The following SYT14 variants were observed in gnomAD, a reference collection of about 807,000 sequenced individuals.
The protein encoded by SYT14 is synaptotagmin-14.
A neutral mutation model predicts 74.2 loss-of-function variants in SYT14; 32 were observed. The ratio of observed to expected loss-of-function variants is 0.43; its 90% CI spans 0.33 to 0.58. The LOEUF (loss-of-function observed/expected upper bound fraction) is 0.58, where lower values mean the gene tolerates loss of function less well. Among genes scored for constraint, SYT14 ranks in the 20% least tolerant of loss-of-function variants. SYT14 has a pLI of 0.05. For synonymous variants in SYT14, 298 were observed against 337.7 expected (o/e 0.88, Z 1.29); for missense variants, 791 against 981.8 (o/e 0.81, Z 2.60).
chr1:210,088,955 G>A (rs1310159597), intron 5 of SYT14, among the ~76,000 whole-genome samples: 3 of 151,650 alleles, frequency 2.0e-5, no homozygotes, highest in South Asian at 4.2e-4. Context: ...AGATATACAC[G>A]TGCCATGGTG....
intron 5 of SYT14, among the ~76,000 whole-genome samples, chr1:210,079,541 C>A (rs1348212890): frequency 6.6e-6 from 1 of 152,066 alleles, no homozygotes; most frequent in South Asian, 2.1e-4. Flanking sequence ...GTGACATTGT[C>A]CGAGTTGAGA....
At chr1:210,035,313 T>C (rs1483696191) in intron 5 of SYT14, among the ~76,000 whole-genome samples, 1 of 151,970 alleles carries the variant, frequency 6.6e-6, no homozygotes, top group Non-Finnish European at 1.5e-5. Context: ...CTGGATATTA[T>C]AACTTGTCTA....
intron 2 of SYT14, among the ~76,000 whole-genome samples, chr1:210,001,974 A>G (rs1418025977): frequency 6.6e-6 from 1 of 152,198 alleles, no homozygotes; most frequent in East Asian, 1.9e-4. Flanking sequence ...ACCAGAGGAC[A>G]GTCAGTTCTG....
At chr1:210,140,173 C>T (rs969060869) in intron 7 of SYT14, among the ~76,000 whole-genome samples, 2 of 152,086 alleles carry the variant, frequency 1.3e-5, no homozygotes, top group Non-Finnish European at 2.9e-5. Context: ...AAAGTGGTAT[C>T]TTATTATGGT....
At chr1:209,944,520 AAGATCT>A (rs1435692341) in intron 1 of SYT14, among the ~76,000 whole-genome samples, 1 of 152,212 alleles carries the variant, frequency 6.6e-6, no homozygotes, top group Non-Finnish European at 1.5e-5. Context: ...TGTTGTCAAT[AAGATCT>A]AGTTTATTTT....
chr1:209,980,705 G>A lies in SYT14; in HGVS notation c.-486+27949G>A, dbSNP rs114532401. Among the ~76,000 whole-genome samples the A allele has an allele frequency of 4.1e-3, 624 of 152,174 alleles. 3 individuals carry two copies. Among genetic ancestry groups the A allele is most frequent in the East Asian group, 0.017 (90 of 5,182 alleles). ...CCCAGTACCATTTATTAAATAGGGA[G>A]CCCTTATCCCATTGCTTGTTTTTAT... On this transcript the variant is annotated intron_variant, in intron 2 of 9. Transcript: ENST00000637265.
At chr1:209,943,576 G>C (rs2078773420) in intron 1 of SYT14, among the ~76,000 whole-genome samples, 1 of 143,516 alleles carries the variant, frequency 7.0e-6, no homozygotes, top group Non-Finnish European at 1.5e-5. Flanking sequence ...AAAGCAGAGA[G>C]AACCATATAC....
intron 6 of SYT14, among the ~76,000 whole-genome samples, chr1:210,098,760 G>A (rs538016697): frequency 1.3e-5 from 2 of 151,514 alleles, no homozygotes; most frequent in East Asian, 1.9e-4. Context: ...GGCTCACTGC[G>A]ACCTCTGCCT....
At chr1:210,075,656 C>T (rs973554587) in intron 5 of SYT14, among the ~76,000 whole-genome samples, 2 of 151,974 alleles carry the variant, frequency 1.3e-5, no homozygotes, top group African/African-American at 4.8e-5. Context: ...TTTATAGGCA[C>T]AGGATGGGGG....
intron 5 of SYT14, among the ~76,000 whole-genome samples, chr1:210,031,633 A>T (rs1424038788): frequency 6.6e-6 from 1 of 152,112 alleles, no homozygotes; most frequent in Non-Finnish European, 1.5e-5. Flanking sequence ...GAGTTTTGGA[A>T]TATTGTGTGT....
chr1:210,007,793 T>C (rs928398961), intron 2 of SYT14, among the ~76,000 whole-genome samples: 8 of 152,292 alleles, frequency 5.3e-5, no homozygotes, highest in South Asian at 2.1e-4. Flanking sequence ...AAATCCAGGT[T>C]CTACCACTTC....
intron 2 of SYT14, among the ~76,000 whole-genome samples, chr1:209,980,366 G>A (rs1220936645): frequency 6.6e-6 from 1 of 152,134 alleles, no homozygotes; most frequent in Non-Finnish European, 1.5e-5. Context: ...GAGATGGATA[G>A]ATTGCAAAAT....
chr1:209,944,001 G>C (rs2102650067), intron 1 of SYT14, among the ~76,000 whole-genome samples: 1 of 152,240 alleles, frequency 6.6e-6, no homozygotes, highest in South Asian at 2.1e-4. Flanking sequence ...AAATTTCTAA[G>C]AGCCACACAT....
intron 2 of SYT14, among the ~76,000 whole-genome samples, chr1:209,979,244 T>C (rs1385683898): frequency 1.3e-5 from 2 of 152,182 alleles, no homozygotes; most frequent in South Asian, 2.1e-4. Flanking sequence ...CCCAGTGAGA[T>C]GAGCCCGGTA....
At chr1:210,014,592 G>C (rs574648080) in intron 3 of SYT14, among the ~76,000 whole-genome samples, 3 of 152,164 alleles carry the variant, frequency 2.0e-5, no homozygotes, top group African/African-American at 7.2e-5. Context: ...ACCTGTGTTG[G>C]AGATATGCTT....
chr1:210,076,266 AAT>A (rs1410013202), intron 5 of SYT14, among the ~76,000 whole-genome samples: 7 of 152,228 alleles, frequency 4.6e-5, no homozygotes, highest in Admixed American at 3.9e-4. Context: ...TGCTCTTACT[AAT>A]ATAGATGCCA....
chr1:209,938,317 AC>A, intron 1 of SYT14, 40 bp downstream of exon 1: 2 of 1,537,936 alleles, frequency 1.3e-6, no homozygotes, highest in South Asian at 1.2e-5. Flanking sequence ...GACCGGGACC[AC>A]CCAGCTGGCG....
chr1:210,155,668 T>A (rs2083253646), intron 7 of SYT14, 53 bp from the exon 7 acceptor site: 6 of 1,571,820 alleles, frequency 3.8e-6, no homozygotes, highest in Non-Finnish European at 5.2e-6. Flanking sequence ...ACAATATATC[T>A]CTTAATATAT....
chr1:210,051,278 G>T (rs945828948), intron 5 of SYT14, among the ~76,000 whole-genome samples: 1 of 152,082 alleles, frequency 6.6e-6, no homozygotes, highest in African/African-American at 2.4e-5. Context: ...CGTAATGTTT[G>T]TCCTCAGAAT....
Sources: allele counts gnomAD v4.1 joint callset (sites outside exome capture counted in the v4.1 genomes callset), GRCh38; gene constraint gnomAD v4.1.1; transcripts MANE v1.5; gene names NCBI Gene and HGNC (gene_info 2026-07-23, HGNC 2026-07-21).